The following SLC25A51 variants were observed in gnomAD, a reference collection of about 807,000 sequenced individuals.
SLC25A51 encodes the protein mitochondrial nicotinamide adenine dinucleotide transporter SLC25A51.
A neutral mutation model predicts 19.1 loss-of-function variants in SLC25A51; 11 were observed. The observed-to-expected ratio is 0.58, with a 90% confidence interval of 0.36 to 0.96. The LOEUF is 0.96. Among genes scored for constraint, SLC25A51 ranks in the 40% least tolerant of loss-of-function variants. The pLI, the probability that SLC25A51 is intolerant of heterozygous loss-of-function variation, is 0.01. For missense variants in SLC25A51, 201 were observed against 365.4 expected (o/e 0.55, Z 3.67); for synonymous variants, 105 against 133.6 (o/e 0.79, Z 1.47).
At chr9:37,878,275 CAAAT>C (rs1831290873), downstream of SLC25A51, 1 of 170,176 alleles carries the variant, frequency 5.9e-6, no homozygotes, top group Admixed American at 6.5e-5. Flanking sequence ...GCTGCAATCT[CAAAT>C]AAAATTACCA....
chr9:37,883,305 C>T (rs1016509845), downstream of SLC25A51, among the ~76,000 whole-genome samples: 3 of 152,144 alleles, frequency 2.0e-5, no homozygotes, highest in Admixed American at 6.5e-5. Context: ...TAGGACAACA[C>T]AAAACCATCC....
At chr9:37,902,728 G>A (rs1283941851) in intron 1 of SLC25A51, among the ~76,000 whole-genome samples, 2 of 152,164 alleles carry the variant, frequency 1.3e-5, no homozygotes, top group African/African-American at 4.8e-5. Context: ...CATCATAAGG[G>A]AGCAGTTAAT....
intron 2 of SLC25A51, among the ~76,000 whole-genome samples, chr9:37,895,199 A>C (rs1029358596): frequency 6.6e-6 from 1 of 151,528 alleles, no homozygotes; most frequent in Non-Finnish European, 1.5e-5. Context: ...TTGTTTTGCC[A>C]TTAAAAACTT....
intron 2 of SLC25A51, among the ~76,000 whole-genome samples, chr9:37,892,175 A>G (rs951698926): frequency 6.6e-6 from 1 of 152,230 alleles, no homozygotes; most frequent in Non-Finnish European, 1.5e-5. Flanking sequence ...AAATAATTAG[A>G]CAACAGGGAG....
exon 4 of SLC25A51, chr9:37,880,744 C>T (rs992629409): frequency 1.3e-5 from 2 of 152,096 alleles, no homozygotes; most frequent in African/African-American, 4.8e-5. Context: ...AGCGAAACCC[C>T]GTCTCTAAAT....
At chr9:37,903,504 A>T (rs1179675387) in intron 1 of SLC25A51, 1 of 152,276 alleles carries the variant, frequency 6.6e-6, no homozygotes, top group Non-Finnish European at 1.5e-5. Context: ...CAGAACAAGC[A>T]CTGCCAGGCT....
downstream of SLC25A51, among the ~76,000 whole-genome samples, chr9:37,877,961 T>C (rs770445762): frequency 1.4e-4 from 21 of 152,228 alleles, no homozygotes; most frequent in Middle Eastern, 3.4e-3. Context: ...TGGGCCAAGA[T>C]TGCGCCAATG....
intron 2 of SLC25A51, among the ~76,000 whole-genome samples, chr9:37,882,207 T>C (rs1354687727): frequency 6.6e-6 from 1 of 152,236 alleles, no homozygotes; most frequent in Non-Finnish European, 1.5e-5. Flanking sequence ...AAAAGAAATA[T>C]TTTAATTTAA....
downstream of SLC25A51, among the ~76,000 whole-genome samples, chr9:37,884,758 C>G (rs1187038421): frequency 6.6e-6 from 1 of 152,118 alleles, no homozygotes; most frequent in Non-Finnish European, 1.5e-5. Context: ...GATCCACACA[C>G]AAAATGAAAA....
At chr9:37,886,492 G>A (rs1831460615), downstream of SLC25A51, 3 of 1,298,520 alleles carry the variant, frequency 2.3e-6, no homozygotes, top group Non-Finnish European at 3.1e-6. Flanking sequence ...CCCTTTGGCT[G>A]TGACTGGGTG....
chr9:37,887,489 G>A (rs1184341791), downstream of SLC25A51: 1 of 752,340 alleles, frequency 1.3e-6, no homozygotes, highest in Non-Finnish European at 2.1e-6. Context: ...ACTTGGAGGA[G>A]AAATCCCCTG....
chr9:37,895,957 G>A (rs1831705893), intron 2 of SLC25A51, among the ~76,000 whole-genome samples: 1 of 151,972 alleles, frequency 6.6e-6, no homozygotes, highest in African/African-American at 2.4e-5. Context: ...GGGATGATAG[G>A]TGTGTGCTGC....
At chr9:37,891,218 C>T (rs1249058439) in intron 2 of SLC25A51, among the ~76,000 whole-genome samples, 1 of 152,166 alleles carries the variant, frequency 6.6e-6, no homozygotes, top group African/African-American at 2.4e-5. Flanking sequence ...CGGCCAGCCG[C>T]CCCGTCCAGG....
downstream of SLC25A51, among the ~76,000 whole-genome samples, chr9:37,885,342 T>TTAA (rs1234843865): frequency 3.0e-5 from 3 of 99,242 alleles, no homozygotes; most frequent in Admixed American, 1.1e-4. Flanking sequence ...TAGGTAATGA[T>TTAA]AAAAAAAAAA....
At chr9:37,884,974 CCTATCCAATAGGTG>C (rs1831416779), downstream of SLC25A51, among the ~76,000 whole-genome samples, 3 of 152,270 alleles carry the variant, frequency 2.0e-5, no homozygotes, top group South Asian at 6.2e-4. Flanking sequence ...TAGTATAATG[CCTATCCAATAGGTG>C]CTTAGTTTCA....
At chr9:37,896,379 A>G (rs910256763) in intron 2 of SLC25A51, among the ~76,000 whole-genome samples, 4 of 151,942 alleles carry the variant, frequency 2.6e-5, no homozygotes, top group African/African-American at 9.7e-5. Context: ...CTCCAAAGAT[A>G]ATTATTACAG....
chr9:37,897,669 C>T (rs971553437), intron 2 of SLC25A51, among the ~76,000 whole-genome samples: 1 of 150,480 alleles, frequency 6.6e-6, no homozygotes, highest in Non-Finnish European at 1.5e-5. Flanking sequence ...TATATAATTA[C>T]ATATATATAT....
chr9:37,901,790 T>C (rs1831853918), intron 1 of SLC25A51, among the ~76,000 whole-genome samples: 1 of 152,244 alleles, frequency 6.6e-6, no homozygotes, highest in East Asian at 1.9e-4. Context: ...CACTGAAGTC[T>C]GTTAGGGTAT....
At chr9:37,895,714 C>G (rs1831701454) in intron 2 of SLC25A51, among the ~76,000 whole-genome samples, 2 of 151,930 alleles carry the variant, frequency 1.3e-5, no homozygotes, top group Admixed American at 1.3e-4. Flanking sequence ...CACTGAAGTT[C>G]TTAATTTGAA....
Sources: gnomAD v4.1 joint callset for allele counts (sites outside exome capture counted in the v4.1 genomes callset) on GRCh38, gnomAD v4.1.1 for gene constraint, MANE v1.5 for transcripts, NCBI Gene and HGNC (gene_info 2026-07-23, HGNC 2026-07-21) for gene names.